Variants in PIP4P2 observed in about 807,000 individuals in gnomAD.
The protein encoded by PIP4P2 is type 2 phosphatidylinositol 4,5-bisphosphate 4-phosphatase.
In PIP4P2, 19 loss-of-function variants were observed where a neutral mutation model predicts 33.3. The observed-to-expected ratio is 0.57, with a 90% CI of 0.40 to 0.84. The LOEUF is 0.84. PIP4P2 is among the 40% of genes least tolerant of loss of function. The pLI is 0.00. For synonymous variants in PIP4P2, 110 were observed against 111.9 expected, an observed-to-expected ratio of 0.98 and a Z score of 0.11; for missense variants, 270 against 324.7, an observed-to-expected ratio of 0.83 and a Z score of 1.29.
At position 90,996,829 on chromosome 8, in the gene PIP4P2, T is replaced by G. The variant is rs987146288; in HGVS notation, c.540-85A>C. On this transcript the variant is annotated intron_variant, in intron 5 of 6. Transcript: ENST00000285419. ...ATTTTTGTGAGTTCTTATCTATGGCTTTAGTAATATTATATACTTTTTATT... is the reference window on the plus strand; with the variant it reads ...ATTTTTGTGAGTTCTTATCTATGGCGTTAGTAATATTATATACTTTTTATT... 5.8e-6 allele frequency: 6 copies of G among 1,030,366 alleles called. No homozygotes were observed. The East Asian group carries it at 1.3e-4, about 23-fold the overall frequency. 63.8% of individuals were successfully genotyped at this position (1,030,366 alleles called of 1,614,324 possible). A position where few individuals can be genotyped will look rare whatever the true frequency, so the allele number is the denominator to read the frequency against.
At chr8:91,028,423 G>C (rs1334868591) in intron 1 of PIP4P2, among the ~76,000 whole-genome samples, 3 of 152,122 alleles carry the variant, frequency 2.0e-5, no homozygotes, top group Non-Finnish European at 4.4e-5. Context: ...TACCCAGATG[G>C]TTCAGGAATT....
At chr8:91,024,062 A>G (rs1432291194) in intron 1 of PIP4P2, among the ~76,000 whole-genome samples, 3 of 152,052 alleles carry the variant, frequency 2.0e-5, no homozygotes, top group Non-Finnish European at 4.4e-5. Flanking sequence ...CTCTCCAAAT[A>G]ATGCACTGAG....
In PIP4P2 at chr8:91,008,773, G is replaced by C; in HGVS notation, c.509C>G (p.Thr170Ser). The change falls in exon 5 of 7, where the codon ACT becomes AGT. Residue 170 changes from threonine to serine, a missense_variant. Transcript: ENST00000285419. ...TTTGCAGTGTGGGCATTTTGCCAGA[G>C]TGTTGAACCTCAGTTCCATCCACTG... ...TFLWMELRFN[T>S]LAKCPHCKKI... is the part of the protein sequence containing the mutation. The C allele has an allele frequency of 1.9e-6, 3 of 1,609,144 alleles. No individual in the cohort carries two copies. Among genetic ancestry groups the C allele is most frequent in the Middle Eastern group, 1.7e-4 (1 of 6,030 alleles).
chr8:90,998,624 T>A (rs1281080462), intron 5 of PIP4P2, among the ~76,000 whole-genome samples: 2 of 151,988 alleles, frequency 1.3e-5, no homozygotes, highest in African/African-American at 4.8e-5. Flanking sequence ...CGTACAACTA[T>A]CTGATCTTCA....
chr8:91,014,396 T>C (rs540024549), intron 4 of PIP4P2, among the ~76,000 whole-genome samples: 1 of 152,288 alleles, frequency 6.6e-6, no homozygotes, highest in South Asian at 2.1e-4. Flanking sequence ...ATGCATACAA[T>C]GAAATATTAT....
At chr8:91,038,774 T>C (rs1303395055) in intron 1 of PIP4P2, among the ~76,000 whole-genome samples, 1 of 152,240 alleles carries the variant, frequency 6.6e-6, no homozygotes, top group African/African-American at 2.4e-5. Context: ...GTAGGTGTTA[T>C]GTCATATGAA....
intron 4 of PIP4P2, among the ~76,000 whole-genome samples, chr8:91,017,640 T>C (rs1412391424): frequency 1.3e-5 from 2 of 152,138 alleles, no homozygotes; most frequent in Non-Finnish European, 2.9e-5. Flanking sequence ...AGCTCATTCA[T>C]GTCTTAGTGA....
chr8:91,016,146 A>G (rs1396360095), intron 4 of PIP4P2, among the ~76,000 whole-genome samples: 1 of 152,244 alleles, frequency 6.6e-6, no homozygotes, highest in African/African-American at 2.4e-5. Flanking sequence ...TACTTTTTAC[A>G]AAGATGTCAT....
rs542448983 is a variant in PIP4P2 at position 91,035,514 on chromosome 8, CTG to C, written c.106+5128_106+5129del. On this transcript the variant is annotated intron_variant, in intron 1 of 6. Coordinates refer to ENST00000285419, the MANE Select transcript of PIP4P2 (RefSeq NM_018710.3). Reference sequence around the variant, plus strand: ...TTGAAGTATTTTCTTGCTCTTGACTCTGTGATATTATCATCTCCTGGTTTTTG... The same window carrying C: ...TTGAAGTATTTTCTTGCTCTTGACTCTGATATTATCATCTCCTGGTTTTTG... Among the ~76,000 whole-genome samples, 290 of 152,294 alleles carry C rather than the reference CTG, an allele frequency of 1.9e-3. 2 individuals carry two copies. The highest frequency in any genetic ancestry group is 6.8e-3 in the African/African-American group (283 of 41,570).
chr8:91,040,604 C>T (rs1812292226), intron 1 of PIP4P2, 40 bp downstream of exon 1: 1 of 1,609,438 alleles, frequency 6.2e-7, no homozygotes, highest in Non-Finnish European at 8.5e-7. Context: ...CCTTGCAAAT[C>T]TACTTCCTTG....
intron 1 of PIP4P2, chr8:91,024,252 T>C (rs1199809612): frequency 2.4e-6 from 1 of 411,618 alleles, no homozygotes; most frequent in Non-Finnish European, 4.9e-6. Context: ...AGATTATTTC[T>C]TGTACTTTTG....
intron 5 of PIP4P2, among the ~76,000 whole-genome samples, chr8:90,998,775 A>G (rs1811663184): frequency 6.6e-6 from 1 of 152,106 alleles, no homozygotes; most frequent in South Asian, 2.1e-4. Flanking sequence ...AAGATGGATT[A>G]AAGACTTAAA....
chr8:90,993,829 TATTC>T lies in PIP4P2; in HGVS notation c.*1844_*1847del, dbSNP rs1811593193. The T allele has an allele frequency of 6.6e-6, 1 of 152,254 alleles. No homozygotes were observed. Among genetic ancestry groups the T allele is most frequent in the Admixed American group, 6.5e-5 (1 of 15,288 alleles). 9.4% of individuals were successfully genotyped at this position (152,254 alleles called of 1,614,324 possible). On this transcript the variant is annotated 3_prime_UTR_variant, in exon 7 of 7. Coordinates refer to ENST00000285419, the MANE Select transcript of PIP4P2 (RefSeq NM_018710.3). Reference sequence around the variant, plus strand: ...TAAAATAGCAATTCATTCAACCATTTATTCATTCATGCATATTCATTCACGTAAA... The same window carrying T: ...TAAAATAGCAATTCATTCAACCATTTATTCATGCATATTCATTCACGTAAA...
chr8:91,012,682 TATG>T (rs1417433646), intron 4 of PIP4P2, among the ~76,000 whole-genome samples: 2 of 152,172 alleles, frequency 1.3e-5, no homozygotes, highest in Non-Finnish European at 2.9e-5. Flanking sequence ...ACTCTGCTAA[TATG>T]ATAATATGAT....
At chr8:91,033,759 C>A (rs747720025) in intron 1 of PIP4P2, among the ~76,000 whole-genome samples, 2 of 152,174 alleles carry the variant, frequency 1.3e-5, no homozygotes, top group Non-Finnish European at 2.9e-5. Context: ...TGCTCTAACC[C>A]ACTGTCCCTT....
At chr8:91,005,718 G>C (rs1297177985) in intron 5 of PIP4P2, among the ~76,000 whole-genome samples, 1 of 152,190 alleles carries the variant, frequency 6.6e-6, no homozygotes, top group East Asian at 1.9e-4. Context: ...TAAAATGGCA[G>C]GAGGTGATTC....
intron 1 of PIP4P2, among the ~76,000 whole-genome samples, chr8:91,038,115 T>A (rs966219446): frequency 6.6e-6 from 1 of 152,168 alleles, no homozygotes; most frequent in Admixed American, 6.5e-5. Flanking sequence ...AGACCACACA[T>A]GATTTTTCTT....
chr8:91,009,424 A>G (rs1270758368), intron 4 of PIP4P2, among the ~76,000 whole-genome samples: 2 of 152,098 alleles, frequency 1.3e-5, no homozygotes, highest in Non-Finnish European at 2.9e-5. Context: ...TCTTTGAAGG[A>G]ATATGCAATA....
At chr8:91,024,908 C>A (rs1450123989) in intron 1 of PIP4P2, among the ~76,000 whole-genome samples, 2 of 152,058 alleles carry the variant, frequency 1.3e-5, no homozygotes, top group Non-Finnish European at 2.9e-5. Context: ...ATTATGAAGT[C>A]TAATTTCTTT....
Sources: allele counts gnomAD v4.1 joint callset (sites outside exome capture counted in the v4.1 genomes callset), GRCh38; gene constraint gnomAD v4.1.1; transcripts MANE v1.5; gene names NCBI Gene and HGNC (gene_info 2026-07-23, HGNC 2026-07-21).